Variants in CLVS1 observed in about 807,000 individuals in gnomAD.
CLVS1 encodes clavesin 1, also known as clavesin-1.
A neutral mutation model predicts 33.1 loss-of-function variants in CLVS1; 10 were observed. That is an observed-to-expected ratio of 0.30 (90% CI 0.19 to 0.51). The LOEUF (loss-of-function observed/expected upper bound fraction) is 0.51. Among genes scored for constraint, CLVS1 ranks in the 20% least tolerant of loss-of-function variants. The pLI, the probability that CLVS1 is intolerant of heterozygous loss-of-function variation, is 0.97. For synonymous variants in CLVS1, 163 were observed against 166.1 expected (o/e 0.98, Z 0.14); for missense variants, 343 against 433.4 (o/e 0.79, Z 1.85).
At chr8:61,078,561 G>C (rs1441732720) in intron 1 of CLVS1, among the ~76,000 whole-genome samples, 1 of 152,186 alleles carries the variant, frequency 6.6e-6, no homozygotes, top group East Asian at 1.9e-4. Flanking sequence ...GATTCAATGT[G>C]AAATCTCAGA....
chr8:61,407,894 T>C (rs996652072), intron 3 of CLVS1, among the ~76,000 whole-genome samples: 1 of 152,222 alleles, frequency 6.6e-6, no homozygotes, highest in Admixed American at 6.5e-5. Flanking sequence ...TCATGTCTAA[T>C]GGAGAGACGA....
chr8:61,400,936 G>A (rs909749305), intron 3 of CLVS1, among the ~76,000 whole-genome samples: 2 of 152,040 alleles, frequency 1.3e-5, no homozygotes, highest in African/African-American at 2.4e-5. Flanking sequence ...CAGTTTGCCA[G>A]TATTTTGTTG....
At chr8:61,268,554 A>G (rs1289593353) in intron 2 of CLVS1, among the ~76,000 whole-genome samples, 17 of 144,364 alleles carry the variant, frequency 1.2e-4, no homozygotes, top group African/African-American at 3.9e-4. Context: ...GCTGGGTCAA[A>G]TGGTATTTCC....
At chr8:61,014,085 G>GTTTT in the CLVS1 span, among the ~76,000 whole-genome samples, 94 of 126,730 alleles carry the variant, frequency 7.4e-4, no homozygotes, top group Non-Finnish European at 1.1e-3. Context: ...ACTTTTTAGT[G>GTTTT]TTTTTTTTTT....
At chr8:61,193,169 A>G (rs1585678077) in intron 2 of CLVS1, among the ~76,000 whole-genome samples, 1 of 152,208 alleles carries the variant, frequency 6.6e-6, no homozygotes. Context: ...GCACATATAC[A>G]CCATGGAATA....
At chr8:61,329,337 T>C (rs1811505693) in intron 2 of CLVS1, among the ~76,000 whole-genome samples, 1 of 152,184 alleles carries the variant, frequency 6.6e-6, no homozygotes, top group African/African-American at 2.4e-5. Flanking sequence ...TTGATTATTT[T>C]AGTTTTAGCT....
At chr8:61,437,175 C>G (rs564011411) in intron 3 of CLVS1, among the ~76,000 whole-genome samples, 2 of 152,288 alleles carry the variant, frequency 1.3e-5, no homozygotes, top group Non-Finnish European at 2.9e-5. Flanking sequence ...TCGTTCTTCC[C>G]AGGAGCATGG....
intron 5 of CLVS1, among the ~76,000 whole-genome samples, chr8:61,497,118 T>G (rs181321831): frequency 2.0e-5 from 3 of 152,356 alleles, no homozygotes; most frequent in Admixed American, 2.0e-4. Context: ...TATGTTGTGT[T>G]GAGGGGGTCC....
intron 5 of CLVS1, among the ~76,000 whole-genome samples, chr8:61,478,702 T>C (rs560141306): frequency 3.4e-4 from 52 of 152,244 alleles, no homozygotes; most frequent in Non-Finnish European, 7.1e-4. Flanking sequence ...ATTTTGAGCC[T>C]ATGTTTGTCT....
At chr8:61,277,216 G>A (rs2978519) in intron 2 of CLVS1, among the ~76,000 whole-genome samples, 103,929 of 152,072 alleles carry the variant, frequency 0.68, 37,982 homozygotes, top group East Asian at 0.97. Context: ...CCTGTGCATA[G>A]CATTTTCCTA....
chr8:61,127,071 G>A (rs1759615481), intron 1 of CLVS1, among the ~76,000 whole-genome samples: 1 of 152,064 alleles, frequency 6.6e-6, no homozygotes. Flanking sequence ...TTTTCCAAAG[G>A]AACCAAAAAG....
the CLVS1 span, among the ~76,000 whole-genome samples, chr8:61,045,954 T>G: frequency 2.0e-5 from 3 of 152,204 alleles, no homozygotes; most frequent in Non-Finnish European, 4.4e-5. Context: ...TACACTCTGA[T>G]GGTAGTTTCT....
At chr8:61,312,255 G>T (rs1563490554) in intron 2 of CLVS1, among the ~76,000 whole-genome samples, 1 of 152,158 alleles carries the variant, frequency 6.6e-6, no homozygotes, top group Non-Finnish European at 1.5e-5. Context: ...TTTCGATATG[G>T]TTCCCAGATA....
In CLVS1 at chr8:61,214,771, T is replaced by C. The variant is rs142670750; in HGVS notation, c.-152+82911T>C. ...GGGTAACTTTATGGTTATAATTTGA[T>C]CCATGTCTCTGTCCTTATGGGCAAA... On this transcript the variant is annotated intron_variant, in intron 2 of 2. Coordinates refer to the CLVS1 transcript ENST00000522621. 1.4e-3 allele frequency among the ~76,000 whole-genome samples: 217 copies of C among 152,340 alleles called. 1 individual carries two copies. The highest frequency in any genetic ancestry group is 3.8e-3 in the Admixed American group (58 of 15,308).
At chr8:61,429,859 A>C (rs1289702602) in intron 3 of CLVS1, among the ~76,000 whole-genome samples, 1 of 152,214 alleles carries the variant, frequency 6.6e-6, no homozygotes, top group Non-Finnish European at 1.5e-5. Flanking sequence ...TAATGGTGGT[A>C]AATTTTCTCA....
intron 2 of CLVS1, among the ~76,000 whole-genome samples, chr8:61,187,785 T>C (rs1211798815): frequency 6.7e-6 from 1 of 149,818 alleles, no homozygotes; most frequent in Non-Finnish European, 1.5e-5. Context: ...ATAAGATCTA[T>C]GTATAAAATC....
At chr8:61,044,976 A>C in the CLVS1 span, among the ~76,000 whole-genome samples, 1 of 152,208 alleles carries the variant, frequency 6.6e-6, no homozygotes, top group Admixed American at 6.5e-5. Flanking sequence ...AAGTACAAAC[A>C]ACCAAACAGA....
At chr8:61,427,981 A>C (rs1815957319) in intron 3 of CLVS1, among the ~76,000 whole-genome samples, 1 of 152,146 alleles carries the variant, frequency 6.6e-6, no homozygotes, top group Admixed American at 6.6e-5. Flanking sequence ...ATAACACAAA[A>C]CCCAAAACAC....
chr8:61,296,032 T>A (rs1810196451), intron 1 of CLVS1, among the ~76,000 whole-genome samples: 1 of 152,196 alleles, frequency 6.6e-6, no homozygotes, highest in South Asian at 2.1e-4. Context: ...GAGAACCAAG[T>A]CCTTTATGTG....
Sources: allele counts gnomAD v4.1 joint callset (sites outside exome capture counted in the v4.1 genomes callset), GRCh38; gene constraint gnomAD v4.1.1; transcripts MANE v1.5; gene names NCBI Gene and HGNC (gene_info 2026-07-23, HGNC 2026-07-21).